Variants in CPNE8 observed in about 807,000 individuals in gnomAD.
CPNE8 encodes the protein copine-8.
Under a neutral mutation model 81.5 loss-of-function variants are expected in CPNE8, and 45 were observed. The ratio of observed to expected loss-of-function variants is 0.55; its 90% confidence interval spans 0.44 to 0.71. The LOEUF (loss-of-function observed/expected upper bound fraction) is 0.71. CPNE8 is among the 30% of genes least tolerant of loss of function. The pLI, the probability that CPNE8 is intolerant of heterozygous loss-of-function variation, is 0.00. For synonymous variants in CPNE8, 252 were observed against 226.3 expected, an observed-to-expected ratio of 1.11 and a Z score of -1.02; for missense variants, 594 against 672.1, an observed-to-expected ratio of 0.88 and a Z score of 1.28.
intron 10 of CPNE8, among the ~76,000 whole-genome samples, chr12:38,736,062 A>T (rs1209121139): frequency 6.6e-6 from 1 of 151,932 alleles, no homozygotes; most frequent in Non-Finnish European, 1.5e-5. Flanking sequence ...AACCACTCTC[A>T]TAAATTAAGA....
intron 11 of CPNE8, among the ~76,000 whole-genome samples, chr12:38,728,675 A>G (rs1315226030): frequency 6.6e-6 from 1 of 152,170 alleles, no homozygotes; most frequent in East Asian, 1.9e-4. Context: ...AAGAGAGAGG[A>G]GAAAGAGAAA....
chr12:38,729,253 A>T (rs1057254449), intron 11 of CPNE8, among the ~76,000 whole-genome samples: 1 of 152,034 alleles, frequency 6.6e-6, no homozygotes, highest in African/African-American at 2.4e-5. Context: ...TCCTGTTTAG[A>T]ACCTAAATAT....
At chr12:38,661,264 A>G (rs1267829105) in intron 19 of CPNE8, among the ~76,000 whole-genome samples, 1 of 152,204 alleles carries the variant, frequency 6.6e-6, no homozygotes, top group Non-Finnish European at 1.5e-5. Flanking sequence ...TATACCATGG[A>G]ATACTATGCA....
chr12:38,657,313 C>G (rs939620135), intron 19 of CPNE8, among the ~76,000 whole-genome samples: 7 of 152,130 alleles, frequency 4.6e-5, no homozygotes, highest in Admixed American at 3.9e-4. Context: ...GAGGCTGCAG[C>G]CTGGTGGGGG....
intron 10 of CPNE8, among the ~76,000 whole-genome samples, chr12:38,735,119 C>G (rs1197464686): frequency 4.6e-5 from 7 of 152,052 alleles, no homozygotes; most frequent in Admixed American, 4.6e-4. Flanking sequence ...TGGGGAACAA[C>G]ACCCTTAGTT....
chr12:38,759,570 T>A (rs1014405147), intron 10 of CPNE8, among the ~76,000 whole-genome samples: 7 of 152,212 alleles, frequency 4.6e-5, no homozygotes, highest in Non-Finnish European at 1.0e-4. Context: ...TGAAGTTATC[T>A]CTAAGAGCAA....
In CPNE8 at chr12:38,902,320, GAAAGAAAGAAAGAAAGAAAGAAA is replaced by G. The variant is rs1944482050; in HGVS notation, c.98+3094_98+3116del. On this transcript the variant is annotated intron_variant, in intron 1 of 19. Coordinates refer to ENST00000331366, the MANE Select transcript of CPNE8 (RefSeq NM_153634.3). ...GAAAGGAAGGAAGGAAGGAAGGAAAGAAAGAAAGAAAGAAAGAAAGAAAGAAAGAAAGAAAGAAAGAAAGAAAG... is the reference window on the plus strand; with the variant it reads ...GAAAGGAAGGAAGGAAGGAAGGAAAGGAAAGAAAGAAAGAAAGAAAGAAAG... 7.8e-3 allele frequency among the ~76,000 whole-genome samples: 456 copies of G among 58,744 alleles called. 11 individuals carry two copies. Among genetic ancestry groups the G allele is most frequent in the Middle Eastern group, 8.8e-3 (1 of 114 alleles). 38.5% of individuals were successfully genotyped at this position (58,744 alleles called of 152,430 possible).
intron 6 of CPNE8, among the ~76,000 whole-genome samples, chr12:38,812,781 G>A (rs1466875146): frequency 1.3e-5 from 2 of 152,182 alleles, no homozygotes; most frequent in African/African-American, 4.8e-5. Context: ...TGCCATGTGA[G>A]GACAGAGTGT....
At chr12:38,826,107 C>T (rs1943186345) in intron 6 of CPNE8, among the ~76,000 whole-genome samples, 1 of 152,128 alleles carries the variant, frequency 6.6e-6, no homozygotes, top group Non-Finnish European at 1.5e-5. Flanking sequence ...TTTTCTTACC[C>T]ACTTAGTACT....
At chr12:38,732,092 G>C (rs761589698) in intron 10 of CPNE8, among the ~76,000 whole-genome samples, 2 of 151,854 alleles carry the variant, frequency 1.3e-5, no homozygotes, top group Non-Finnish European at 2.9e-5. Context: ...CACAGCAGTG[G>C]TGGGAACCTA....
At chr12:38,655,279 G>A (rs1415615202) in intron 19 of CPNE8, among the ~76,000 whole-genome samples, 1 of 152,114 alleles carries the variant, frequency 6.6e-6, no homozygotes, top group Non-Finnish European at 1.5e-5. Context: ...GTAATAGATT[G>A]CCTGATTCCA....
At chr12:38,904,479 T>A (rs1017616295) in intron 1 of CPNE8, among the ~76,000 whole-genome samples, 2 of 150,880 alleles carry the variant, frequency 1.3e-5, no homozygotes, top group Non-Finnish European at 3.0e-5. Context: ...TGTTTTTTTT[T>A]TTTTTTTGAG....
At chr12:38,885,208 AC>A (rs1464767611) in intron 1 of CPNE8, among the ~76,000 whole-genome samples, 1 of 152,194 alleles carries the variant, frequency 6.6e-6, no homozygotes, top group African/African-American at 2.4e-5. Context: ...TCAAAATGCA[AC>A]ATTTGTTACA....
At chr12:38,774,254 T>G (rs1311661988) in intron 7 of CPNE8, among the ~76,000 whole-genome samples, 1 of 152,122 alleles carries the variant, frequency 6.6e-6, no homozygotes, top group South Asian at 2.1e-4. Flanking sequence ...TCATGACACA[T>G]TTACATAAAA....
At chr12:38,769,368 T>C (rs1480101263) in intron 7 of CPNE8, among the ~76,000 whole-genome samples, 2 of 152,152 alleles carry the variant, frequency 1.3e-5, no homozygotes, top group African/African-American at 2.4e-5. Flanking sequence ...CTCAAGCATA[T>C]CATGTTCTTT....
rs1555168919 is a variant in CPNE8 at position 38,864,057 on chromosome 12, C to CACAA, written c.186+8946_186+8947insTTGT. 6.3e-4 allele frequency among the ~76,000 whole-genome samples: 57 copies of CACAA among 89,894 alleles called. 1 individual carries two copies. Among genetic ancestry groups the CACAA allele is most frequent in the South Asian group, 1.4e-3 (4 of 2,896 alleles). The allele number at this position is 89,894 out of a possible 152,430, so 59.0% of individuals were successfully genotyped here. A position where few individuals can be genotyped will look rare whatever the true frequency, so the allele number is the denominator to read the frequency against. On this transcript the variant is annotated intron_variant, in intron 3 of 19. Coordinates refer to ENST00000331366, the MANE Select transcript of CPNE8 (RefSeq NM_153634.3). ...CGACAGAGCGAGACTTCATCTCTCA[C>CACAA]AAAAAAAAAAAAAAAAGAAAAAAGA... is the stretch of plus-strand genomic sequence containing the variant.
chr12:38,819,680 T>C (rs946211455), intron 6 of CPNE8, among the ~76,000 whole-genome samples: 9 of 142,176 alleles, frequency 6.3e-5, no homozygotes, highest in African/African-American at 2.1e-4. Flanking sequence ...CGCAGGAGAA[T>C]GGTGTGAACC....
intron 6 of CPNE8, among the ~76,000 whole-genome samples, chr12:38,820,012 A>G (rs907360927): frequency 6.6e-6 from 1 of 152,160 alleles, no homozygotes; most frequent in Non-Finnish European, 1.5e-5. Flanking sequence ...AGAAGAAAGG[A>G]GCAATAAATT....
chr12:38,792,332 C>T (rs1045629646), intron 6 of CPNE8, among the ~76,000 whole-genome samples: 11 of 149,930 alleles, frequency 7.3e-5, no homozygotes, highest in African/African-American at 2.7e-4. Context: ...ATTGAAAAAC[C>T]CTTAGCTAGA....
Sources: allele counts gnomAD v4.1 joint callset (sites outside exome capture counted in the v4.1 genomes callset), GRCh38; gene constraint gnomAD v4.1.1; transcripts MANE v1.5; gene names NCBI Gene and HGNC (gene_info 2026-07-23, HGNC 2026-07-21).